FBXO36: variants seen among roughly 807,000 people sequenced by gnomAD.
FBXO36 encodes F-box only protein 36.
In FBXO36, 18 loss-of-function variants were observed where a neutral mutation model predicts 17.0. That is an observed-to-expected ratio of 1.06 (90% CI 0.73 to 1.57). The LOEUF (loss-of-function observed/expected upper bound fraction) is 1.57. Among genes scored for constraint, FBXO36 ranks in the 40% most tolerant of loss-of-function variants. The pLI is 0.00. For synonymous variants in FBXO36, 83 were observed against 85.3 expected, an observed-to-expected ratio of 0.97 and a Z score of 0.15; for missense variants, 229 against 221.9, an observed-to-expected ratio of 1.03 and a Z score of -0.20.
intron 1 of FBXO36, among the ~76,000 whole-genome samples, chr2:229,924,406 A>G (rs902868316): frequency 6.6e-6 from 1 of 152,152 alleles, no homozygotes; most frequent in African/African-American, 2.4e-5. Context: ...TTTAAGATTT[A>G]TGATCCTAAC....
intron 2 of FBXO36, among the ~76,000 whole-genome samples, chr2:229,980,524 C>G (rs957012464): frequency 6.6e-6 from 1 of 152,090 alleles, no homozygotes; most frequent in Admixed American, 6.6e-5. Flanking sequence ...CCACTGCCTT[C>G]TGATTGCTGG....
At chr2:229,975,956 C>T (rs2077206016) in intron 1 of FBXO36, among the ~76,000 whole-genome samples, 2 of 152,100 alleles carry the variant, frequency 1.3e-5, no homozygotes, top group Non-Finnish European at 2.9e-5. Flanking sequence ...GATCCACCCA[C>T]CTCGGCCTCC....
chr2:229,985,462 A>T (rs1314119567), intron 2 of FBXO36, among the ~76,000 whole-genome samples: 1 of 151,648 alleles, frequency 6.6e-6, no homozygotes, highest in African/African-American at 2.4e-5. Context: ...TTATTTTCTC[A>T]TTCCTAACTA....
chr2:229,971,475 T>C (rs1462890712), intron 1 of FBXO36, among the ~76,000 whole-genome samples: 2 of 151,790 alleles, frequency 1.3e-5, no homozygotes, highest in Non-Finnish European at 2.9e-5. Context: ...CCCATACCAA[T>C]TGCTGGCAGG....
intron 1 of FBXO36, among the ~76,000 whole-genome samples, chr2:229,933,191 G>C (rs1284891233): frequency 6.6e-6 from 1 of 152,104 alleles, no homozygotes; most frequent in Non-Finnish European, 1.5e-5. Flanking sequence ...TCAGGAGTTC[G>C]AGAGCAGCCT....
chr2:230,011,010 C>G lies in FBXO36; in HGVS notation c.*126C>G. On this transcript the variant is annotated 3_prime_UTR_variant, in exon 4 of 4. Transcript: ENST00000283946. ...TTGATGCGTGGAGCCATTTGAAACTCGTAGGGGATTTGCACACAAATGCAG... is the reference window on the plus strand; with the variant it reads ...TTGATGCGTGGAGCCATTTGAAACTGGTAGGGGATTTGCACACAAATGCAG... 1.9e-6 allele frequency: 2 copies of G among 1,026,668 alleles called. No homozygotes were observed. Among genetic ancestry groups the G allele is most frequent in the South Asian group, 1.7e-5 (1 of 57,574 alleles). The allele number at this position is 1,026,668 out of a possible 1,614,324, so 63.6% of individuals were successfully genotyped here.
At chr2:229,981,719 A>G (rs2077241384) in intron 2 of FBXO36, among the ~76,000 whole-genome samples, 3 of 85,048 alleles carry the variant, frequency 3.5e-5, no homozygotes, top group South Asian at 4.1e-4. Flanking sequence ...AAAAAAAAAG[A>G]AAGAAAGAAA....
intron 1 of FBXO36, among the ~76,000 whole-genome samples, 168 bp downstream of exon 1, chr2:229,922,777 C>T (rs935409722): frequency 2.0e-5 from 3 of 152,228 alleles, no homozygotes; most frequent in Admixed American, 6.5e-5. Context: ...CTCGGTCCGA[C>T]GGCCCGCGTG....
At chr2:230,005,356 CT>C (rs2077381658) in intron 3 of FBXO36, among the ~76,000 whole-genome samples, 1 of 152,146 alleles carries the variant, frequency 6.6e-6, no homozygotes, top group Admixed American at 6.6e-5. Flanking sequence ...CTGCCTCGGC[CT>C]TCCAAAGTGT....
chr2:229,957,525 C>T (rs751386346), intron 1 of FBXO36, among the ~76,000 whole-genome samples: 16 of 152,072 alleles, frequency 1.1e-4, no homozygotes, highest in East Asian at 1.9e-4. Flanking sequence ...TGCAGTGAGC[C>T]GAGATCGCAC....
intron 1 of FBXO36, among the ~76,000 whole-genome samples, chr2:229,934,452 C>A (rs1577327251): frequency 6.6e-6 from 1 of 152,114 alleles, no homozygotes. Context: ...CATGAATCTC[C>A]AAGAGACTAC....
intron 3 of FBXO36, among the ~76,000 whole-genome samples, chr2:229,999,406 T>C (rs919370015): frequency 7.4e-5 from 11 of 148,276 alleles, no homozygotes; most frequent in East Asian, 4.0e-4. Flanking sequence ...GGATTACAGG[T>C]GTGAGCCACC....
At chr2:229,982,363 T>C (rs1227383058) in intron 2 of FBXO36, among the ~76,000 whole-genome samples, 1 of 152,068 alleles carries the variant, frequency 6.6e-6, no homozygotes, top group Admixed American at 6.6e-5. Flanking sequence ...TGGCAGGTCT[T>C]GTCTTTCTCA....
chr2:229,947,092 C>T (rs2077031019), intron 1 of FBXO36, among the ~76,000 whole-genome samples: 3 of 151,598 alleles, frequency 2.0e-5, no homozygotes, highest in Admixed American at 6.6e-5. Context: ...CACTTGAACC[C>T]GGGAGGCGGA....
At chr2:229,997,739 G>A (rs1249447276) in intron 3 of FBXO36, among the ~76,000 whole-genome samples, 1 of 152,138 alleles carries the variant, frequency 6.6e-6, no homozygotes, top group Non-Finnish European at 1.5e-5. Flanking sequence ...CTTGCCCGAA[G>A]CTGACAAGAT....
intron 2 of FBXO36, among the ~76,000 whole-genome samples, chr2:229,991,390 G>T (rs904882236): frequency 1.3e-5 from 2 of 152,168 alleles, no homozygotes; most frequent in African/African-American, 2.4e-5. Context: ...CTCTAAGGAA[G>T]TAATTAAGGT....
chr2:229,940,509 C>G (rs1041108231), intron 1 of FBXO36, among the ~76,000 whole-genome samples: 43 of 152,084 alleles, frequency 2.8e-4, no homozygotes, highest in African/African-American at 6.5e-4. Flanking sequence ...ATGTCTCCCC[C>G]CAAAAAGATA....
intron 1 of FBXO36, among the ~76,000 whole-genome samples, chr2:229,961,575 C>T (rs1054748628): frequency 4.6e-5 from 7 of 152,044 alleles, no homozygotes; most frequent in Admixed American, 3.9e-4. Context: ...GGGGTTTCAC[C>T]ATGTCGGCCA....
Position 229,950,795 on chromosome 2 carries a change from C to T in FBXO36, c.97-25446C>T, listed in dbSNP as rs186966169. Among the ~76,000 whole-genome samples the T allele has an allele frequency of 5.1e-3, 765 of 149,494 alleles. 8 individuals are homozygous for T. The highest frequency in any genetic ancestry group is 0.016 in the African/African-American group (636 of 40,528). On this transcript the variant is annotated intron_variant, in intron 1 of 3. Coordinates refer to ENST00000283946, the MANE Select transcript of FBXO36 (RefSeq NM_174899.5). ...TTTTTGAGACAGAGTCTCGTTCAGC[C>T]GCCCAGGCTGGAGTGCAGTGGGGTG... is the stretch of plus-strand genomic sequence containing the variant.
Sources: gnomAD v4.1 joint callset for allele counts (sites outside exome capture counted in the v4.1 genomes callset) on GRCh38, gnomAD v4.1.1 for gene constraint, MANE v1.5 for transcripts, NCBI Gene and HGNC (gene_info 2026-07-23, HGNC 2026-07-21) for gene names.